Variants in TTC39B observed in about 807,000 individuals in gnomAD.
TTC39B encodes the protein tetratricopeptide repeat domain 39B, also known as tetratricopeptide repeat protein 39B.
A neutral mutation model predicts 96.6 loss-of-function variants in TTC39B; 92 were observed. The ratio of observed to expected loss-of-function variants is 0.95; its 90% confidence interval spans 0.80 to 1.13. The LOEUF is 1.13. Among genes scored for constraint, TTC39B ranks in the 50% most tolerant of loss-of-function variants. The pLI is 0.00. For synonymous variants in TTC39B, 367 were observed against 299.4 expected, an observed-to-expected ratio of 1.23 and a Z score of -2.33; for missense variants, 955 against 809.3, an observed-to-expected ratio of 1.18 and a Z score of -2.18.
chr9:15,262,016 G>T (rs1232572676), intron 2 of TTC39B, among the ~76,000 whole-genome samples: 2 of 152,116 alleles, frequency 1.3e-5, no homozygotes, highest in African/African-American at 2.4e-5. Flanking sequence ...CATGCAACAG[G>T]TCCTTAAGAG....
At chr9:15,250,802 G>A (rs1003625492) in intron 2 of TTC39B, among the ~76,000 whole-genome samples, 1 of 152,210 alleles carries the variant, frequency 6.6e-6, no homozygotes, top group Non-Finnish European at 1.5e-5. Context: ...GGAATAAGGT[G>A]GTCGTTGACT....
intron 1 of TTC39B, among the ~76,000 whole-genome samples, chr9:15,278,476 T>C (rs1028512113): frequency 6.6e-6 from 1 of 152,240 alleles, no homozygotes; most frequent in Non-Finnish European, 1.5e-5. Flanking sequence ...CAATCCACCT[T>C]GTAAATCATT....
At chr9:15,272,060 A>G (rs7873760) in intron 1 of TTC39B, among the ~76,000 whole-genome samples, 47,892 of 152,074 alleles carry the variant, frequency 0.31, 11,739 homozygotes, top group African/African-American at 0.69. Flanking sequence ...ATATCCCTAC[A>G]GAAAGACCAG....
intron 2 of TTC39B, among the ~76,000 whole-genome samples, chr9:15,260,359 T>A (rs1402457001): frequency 6.6e-6 from 1 of 151,928 alleles, no homozygotes; most frequent in East Asian, 1.9e-4. Context: ...ACTGTCGACT[T>A]GGTTAAGAAA....
intron 1 of TTC39B, among the ~76,000 whole-genome samples, chr9:15,302,539 CAAAAAAAA>C (rs145173046): frequency 1.3e-4 from 6 of 46,764 alleles, no homozygotes; most frequent in Admixed American, 3.8e-4. Context: ...GATTCCGTCT[CAAAAAAAA>C]AAAAAAAAAA....
chr9:15,248,818 A>G (rs1822399179), intron 2 of TTC39B, among the ~76,000 whole-genome samples: 1 of 152,168 alleles, frequency 6.6e-6, no homozygotes, highest in Admixed American at 6.5e-5. Flanking sequence ...TCCTTGATTT[A>G]TTTTACCCTG....
At chr9:15,278,933 G>C (rs1456875497) in intron 1 of TTC39B, among the ~76,000 whole-genome samples, 1 of 152,090 alleles carries the variant, frequency 6.6e-6, no homozygotes, top group African/African-American at 2.4e-5. Context: ...AATCTTCATA[G>C]TGACCCTAAC....
At chr9:15,207,847 G>T (rs1011633301) in intron 6 of TTC39B, among the ~76,000 whole-genome samples, 1 of 151,128 alleles carries the variant, frequency 6.6e-6, no homozygotes, top group South Asian at 2.1e-4. Context: ...AGCCAGGCGT[G>T]GTGGCGGGCA....
At chr9:15,254,296 T>C (rs2131515458) in intron 2 of TTC39B, among the ~76,000 whole-genome samples, 1 of 152,310 alleles carries the variant, frequency 6.6e-6, no homozygotes, top group South Asian at 2.1e-4. Flanking sequence ...TTTTTTTTAA[T>C]GTGTTCTTTT....
intron 19 of TTC39B, among the ~76,000 whole-genome samples, chr9:15,173,376 T>C (rs1817761802): frequency 1.3e-5 from 2 of 152,158 alleles, no homozygotes; most frequent in African/African-American, 4.8e-5. Context: ...CGATGTTCTA[T>C]TCACAGCAAA....
intron 3 of TTC39B, among the ~76,000 whole-genome samples, chr9:15,219,018 T>C (rs893751817): frequency 2.0e-5 from 3 of 152,214 alleles, no homozygotes; most frequent in Non-Finnish European, 4.4e-5. Flanking sequence ...TCTTTCCAAA[T>C]TATCTGAACT....
chr9:15,170,643 C>T (rs1449769757), exon 20 of TTC39B: 1 of 152,098 alleles, frequency 6.6e-6, no homozygotes, highest in African/African-American at 2.4e-5. Flanking sequence ...CAGAGATGAA[C>T]TCGTGACTCC....
At chr9:15,244,322 C>A (rs530856266) in intron 2 of TTC39B, among the ~76,000 whole-genome samples, 61 of 152,222 alleles carry the variant, frequency 4.0e-4, no homozygotes, top group Non-Finnish European at 7.8e-4. Context: ...TAGGAGAAGG[C>A]ATGCTGGGAC....
At position 15,174,198 on chromosome 9, in the gene TTC39B, C is replaced by G. The variant is rs534381488; in HGVS notation, c.1958+821G>C. 3.3e-3 allele frequency among the ~76,000 whole-genome samples: 507 copies of G among 152,286 alleles called. 5 individuals carry two copies. Among genetic ancestry groups the G allele is most frequent in the South Asian group, 0.023 (113 of 4,828 alleles). ...TTTTTCTTGTCTATTTAGTATCTCC[C>G]TCTGGCTAACAGAGCAGAAGTATTG... On this transcript the variant is annotated intron_variant, in intron 19 of 19. Transcript: ENST00000512701.
intron 17 of TTC39B, among the ~76,000 whole-genome samples, chr9:15,178,662 C>A (rs1287855980): frequency 6.6e-6 from 1 of 152,158 alleles, no homozygotes; most frequent in Admixed American, 6.5e-5. Context: ...TTAAAATATT[C>A]TTCAGGTGGT....
At chr9:15,288,380 G>C (rs1259717448) in intron 1 of TTC39B, among the ~76,000 whole-genome samples, 1 of 152,156 alleles carries the variant, frequency 6.6e-6, no homozygotes, top group Non-Finnish European at 1.5e-5. Context: ...GCTCCACAAG[G>C]AAATGAACAG....
At chr9:15,301,028 C>G (rs913769723) in intron 1 of TTC39B, among the ~76,000 whole-genome samples, 3 of 151,874 alleles carry the variant, frequency 2.0e-5, no homozygotes, top group African/African-American at 7.2e-5. Flanking sequence ...GCCCTTGACA[C>G]TCTCCTTCCC....
At chr9:15,277,870 T>A (rs1358141065) in intron 1 of TTC39B, among the ~76,000 whole-genome samples, 4 of 152,256 alleles carry the variant, frequency 2.6e-5, no homozygotes, top group Admixed American at 1.3e-4. Context: ...TGGGACTAAC[T>A]TGATTCTCAA....
intron 1 of TTC39B, among the ~76,000 whole-genome samples, chr9:15,280,140 G>A (rs960354417): frequency 2.6e-5 from 4 of 151,758 alleles, no homozygotes; most frequent in Admixed American, 2.0e-4. Context: ...TCAAGTAATC[G>A]GCCCACCTTG....
Sources: allele counts gnomAD v4.1 joint callset (sites outside exome capture counted in the v4.1 genomes callset), GRCh38; gene constraint gnomAD v4.1.1; transcripts MANE v1.5; gene names NCBI Gene and HGNC (gene_info 2026-07-23, HGNC 2026-07-21).